FSTL1: variants seen among roughly 807,000 people sequenced by gnomAD.
The protein encoded by FSTL1 is follistatin like 1.
In FSTL1, 24 loss-of-function variants were observed where a neutral mutation model predicts 45.9. That is an observed-to-expected ratio of 0.52 (90% CI 0.38 to 0.74). The LOEUF is 0.74. Ranked by LOEUF, FSTL1 falls within the 30% of genes least tolerant of loss-of-function variation. The pLI is 0.00. For synonymous variants in FSTL1, 120 were observed against 137.6 expected (o/e 0.87, Z 0.89); for missense variants, 340 against 381.8 (o/e 0.89, Z 0.91).
chr3:120,428,068 G>T (rs1342893325), intron 2 of FSTL1, among the ~76,000 whole-genome samples: 1 of 152,188 alleles, frequency 6.6e-6, no homozygotes, highest in Admixed American at 6.5e-5. Context: ...TTCTGAGGTA[G>T]AGGGAGACAG....
intron 2 of FSTL1, among the ~76,000 whole-genome samples, chr3:120,418,186 A>T (rs941380712): frequency 2.0e-5 from 3 of 152,270 alleles, no homozygotes; most frequent in Non-Finnish European, 4.4e-5. Context: ...TTTGAATAGT[A>T]CAATTTACAA....
At chr3:120,416,119 T>C (rs1369564812) in intron 2 of FSTL1, 92 bp from the exon 3 acceptor site, 2 of 990,368 alleles carry the variant, frequency 2.0e-6, no homozygotes, top group Non-Finnish European at 3.2e-6. Flanking sequence ...GGCTTGGGCT[T>C]TGCTCTGGAG....
chr3:120,401,263 T>C (rs929841347), intron 9 of FSTL1, among the ~76,000 whole-genome samples: 4 of 152,218 alleles, frequency 2.6e-5, no homozygotes, highest in Non-Finnish European at 5.9e-5. Context: ...GATCCTGGCT[T>C]GGTCTTGACT....
intron 2 of FSTL1, among the ~76,000 whole-genome samples, chr3:120,447,789 G>C (rs1220646220): frequency 6.6e-6 from 1 of 152,120 alleles, no homozygotes. Flanking sequence ...GCTGGGACCA[G>C]AGGCGTGTGT....
Position 120,440,293 on chromosome 3 carries a change from G to T in FSTL1, c.63+10391C>A, listed in dbSNP as rs140301752. ...CTATGTGGCCAGAATGGCCAAGTCT[G>T]AAGTGTCATTCCAGGCACATAGCCA... On this transcript the variant is annotated intron_variant, in intron 2 of 10. Coordinates refer to ENST00000295633, the MANE Select transcript of FSTL1 (RefSeq NM_007085.5). Among the ~76,000 whole-genome samples, 707 of 152,362 alleles carry T rather than the reference G, an allele frequency of 4.6e-3. 11 individuals are homozygous for T. Among genetic ancestry groups the T allele is most frequent in the African/African-American group, 0.016 (645 of 41,582 alleles).
intron 2 of FSTL1, among the ~76,000 whole-genome samples, chr3:120,416,827 G>A (rs970753985): frequency 1.2e-4 from 18 of 152,174 alleles, no homozygotes; most frequent in African/African-American, 4.3e-4. Flanking sequence ...CTGTTCAGAC[G>A]TGTGCAGCAG....
intron 2 of FSTL1, among the ~76,000 whole-genome samples, chr3:120,438,031 C>G (rs1193368351): frequency 2.0e-5 from 3 of 152,126 alleles, no homozygotes. Flanking sequence ...GGATCCTGAT[C>G]ATGGGCCAGG....
At chr3:120,431,058 G>A (rs912286235) in intron 2 of FSTL1, among the ~76,000 whole-genome samples, 7 of 152,170 alleles carry the variant, frequency 4.6e-5, no homozygotes, top group African/African-American at 9.6e-5. Context: ...TGCAAACTCC[G>A]CCTCCTGGGT....
chr3:120,399,115 T>C (rs1342867672), intron 10 of FSTL1, among the ~76,000 whole-genome samples: 1 of 152,186 alleles, frequency 6.6e-6, no homozygotes, highest in Non-Finnish European at 1.5e-5. Flanking sequence ...AAAACTTCTA[T>C]GTCAGAGAGA....
intron 7 of FSTL1, 61 bp downstream of exon 7, chr3:120,404,792 G>C: frequency 2.2e-6 from 2 of 894,172 alleles, no homozygotes; most frequent in Non-Finnish European, 3.8e-6. Flanking sequence ...AAGGGTTTAA[G>C]TCCCCTCTCT....
At chr3:120,403,378 G>A in intron 7 of FSTL1, 24 bp from the exon 8 acceptor site, 1 of 1,350,252 alleles carries the variant, frequency 7.4e-7, no homozygotes, top group Non-Finnish European at 1.1e-6. Flanking sequence ...CAGGAGAAAT[G>A]TGTTAGCAAG....
intron 2 of FSTL1, among the ~76,000 whole-genome samples, chr3:120,444,995 A>G (rs1422640541): frequency 6.7e-6 from 1 of 149,882 alleles, no homozygotes; most frequent in East Asian, 1.9e-4. Context: ...GCTGTCATAA[A>G]TAACATGACT....
At chr3:120,417,307 A>G (rs539806146) in intron 2 of FSTL1, among the ~76,000 whole-genome samples, 14 of 151,692 alleles carry the variant, frequency 9.2e-5, no homozygotes, top group Admixed American at 2.0e-4. Flanking sequence ...AAAAGAAAGA[A>G]GAGGCTTTCG....
intron 2 of FSTL1, among the ~76,000 whole-genome samples, chr3:120,446,547 C>T (rs1259337): frequency 0.61 from 92,039 of 151,532 alleles, 30,419 homozygotes; most frequent in East Asian, 0.8. Context: ...GTCTTTAGAA[C>T]TGCAACAAGT....
At chr3:120,422,662 A>G (rs1937300615) in intron 2 of FSTL1, among the ~76,000 whole-genome samples, 1 of 152,078 alleles carries the variant, frequency 6.6e-6, no homozygotes, top group Non-Finnish European at 1.5e-5. Context: ...TAGCTTTAAG[A>G]TTTAAAAAAA....
At chr3:120,412,838 GCACA>G (rs71156798) in intron 3 of FSTL1, among the ~76,000 whole-genome samples, 3,649 of 105,878 alleles carry the variant, frequency 0.034, 70 homozygotes, top group Non-Finnish European at 0.05. Flanking sequence ...GCGCGCGCGC[GCACA>G]CACACACACA....
rs190226356 is a variant in FSTL1 at position 120,396,684 on chromosome 3, C to T, written c.*268G>A. The T allele has an allele frequency of 8.5e-4, 380 of 445,068 alleles. No homozygotes were observed. Among genetic ancestry groups the T allele is most frequent in the African/African-American group, 6.1e-3 (303 of 49,680 alleles). 27.6% of individuals were successfully genotyped at this position (445,068 alleles called of 1,614,324 possible). On this transcript the variant is annotated 3_prime_UTR_variant, in exon 11 of 11. Coordinates refer to ENST00000295633, the MANE Select transcript of FSTL1 (RefSeq NM_007085.5). ...GATTTGGGTCTGTTCCTCTTTCAAT[C>T]GTGATGCAGTTTCCTTACTAGCCTC...
intron 2 of FSTL1, among the ~76,000 whole-genome samples, chr3:120,442,541 A>G (rs1937644375): frequency 6.6e-6 from 1 of 152,120 alleles, no homozygotes; most frequent in South Asian, 2.1e-4. Flanking sequence ...GCACTTTGGG[A>G]GGCTGAGGCG....
intron 10 of FSTL1, among the ~76,000 whole-genome samples, chr3:120,399,134 A>G (rs1466320027): frequency 6.6e-6 from 1 of 152,218 alleles, no homozygotes; most frequent in Non-Finnish European, 1.5e-5. Context: ...GAAGGCTAAT[A>G]CTACTACATT....
Sources: allele counts gnomAD v4.1 joint callset (sites outside exome capture counted in the v4.1 genomes callset), GRCh38; gene constraint gnomAD v4.1.1; transcripts MANE v1.5; gene names NCBI Gene and HGNC (gene_info 2026-07-23, HGNC 2026-07-21).